FAM184A: variants seen among roughly 807,000 people sequenced by gnomAD.
FAM184A encodes protein FAM184A.
In FAM184A, 99 loss-of-function variants were observed where a neutral mutation model predicts 143.8. That is an observed-to-expected ratio of 0.69 (90% CI 0.58 to 0.81). FAM184A has a LOEUF of 0.81. Among genes scored for constraint, FAM184A ranks in the 40% least tolerant of loss-of-function variants. FAM184A has a pLI of 0.00. For synonymous variants in FAM184A, 427 were observed against 446.4 expected (o/e 0.96, Z 0.55); for missense variants, 1,217 against 1,310.5 (o/e 0.93, Z 1.10).
intron 7 of FAM184A, among the ~76,000 whole-genome samples, chr6:119,004,370 T>G (rs1046368648): frequency 6.6e-6 from 1 of 152,160 alleles, no homozygotes; most frequent in Non-Finnish European, 1.5e-5. Flanking sequence ...GGTGTGGCAG[T>G]TTTTGAAGGG....
intron 9 of FAM184A, among the ~76,000 whole-genome samples, chr6:118,995,228 G>A (rs1485746459): frequency 1.3e-5 from 2 of 152,072 alleles, no homozygotes; most frequent in African/African-American, 2.4e-5. Context: ...ACCAGCCTGG[G>A]TAACATGGTG....
chr6:119,047,096 G>T (rs927149763), intron 1 of FAM184A, among the ~76,000 whole-genome samples: 1 of 151,952 alleles, frequency 6.6e-6, no homozygotes, highest in Non-Finnish European at 1.5e-5. Flanking sequence ...CTCAACAGAA[G>T]ACATACAAAT....
chr6:119,050,329 A>G (rs1008396214), intron 1 of FAM184A, among the ~76,000 whole-genome samples: 1 of 152,202 alleles, frequency 6.6e-6, no homozygotes, highest in Non-Finnish European at 1.5e-5. Context: ...ATTACTGGGT[A>G]TATACCCAGA....
intron 1 of FAM184A, among the ~76,000 whole-genome samples, chr6:119,107,070 C>G (rs910091520): frequency 6.6e-6 from 1 of 151,970 alleles, no homozygotes; most frequent in African/African-American, 2.4e-5. Flanking sequence ...ATCTATTATC[C>G]TGAAATTGTA....
At chr6:119,061,543 T>TTC (rs1787248266) in intron 1 of FAM184A, among the ~76,000 whole-genome samples, 1 of 132,940 alleles carries the variant, frequency 7.5e-6, no homozygotes, top group Non-Finnish European at 1.6e-5. Context: ...TTTTTTTTTT[T>TTC]TTTTTTTTTT....
At chr6:119,130,577 A>G (rs1367555791) in intron 1 of FAM184A, among the ~76,000 whole-genome samples, 1 of 152,242 alleles carries the variant, frequency 6.6e-6, no homozygotes, top group African/African-American at 2.4e-5. Context: ...TGTATGTTAG[A>G]TAGCCCAAGT....
chr6:119,009,146 G>A (rs1463325060), intron 6 of FAM184A, among the ~76,000 whole-genome samples: 1 of 152,184 alleles, frequency 6.6e-6, no homozygotes, highest in African/African-American at 2.4e-5. Context: ...GAGGATTAAA[G>A]GAGAGAACAG....
chr6:119,101,397 T>G (rs1788634832), intron 1 of FAM184A, among the ~76,000 whole-genome samples: 1 of 152,136 alleles, frequency 6.6e-6, no homozygotes, highest in Admixed American at 6.5e-5. Flanking sequence ...ATCAATTATC[T>G]CATTTAATCT....
intron 1 of FAM184A, among the ~76,000 whole-genome samples, chr6:119,034,041 TAGAGAGAGAG>T (rs57162948): frequency 0.051 from 2,129 of 41,844 alleles, 81 homozygotes; most frequent in South Asian, 0.11. Context: ...TATATATATA[TAGAGAGAGAG>T]AGAGAGAGAG....
At chr6:118,961,581 AAAT>A (rs1783326457) in intron 17 of FAM184A, among the ~76,000 whole-genome samples, 177 bp downstream of exon 17, 1 of 152,088 alleles carries the variant, frequency 6.6e-6, no homozygotes, top group South Asian at 2.1e-4. Context: ...AAATTAGAAA[AAAT>A]CTTTTTAACA....
At chr6:118,991,751 C>CTTTTTTTTTT (rs61476918) in intron 9 of FAM184A, among the ~76,000 whole-genome samples, 1 of 42,350 alleles carries the variant, frequency 2.4e-5, no homozygotes, top group Non-Finnish European at 4.0e-5. Flanking sequence ...CCTGAGAGGA[C>CTTTTTTTTTT]TTTTTTTTTT....
intron 15 of FAM184A, among the ~76,000 whole-genome samples, chr6:118,965,371 T>C (rs988706382): frequency 2.0e-5 from 3 of 152,092 alleles, no homozygotes; most frequent in Non-Finnish European, 4.4e-5. Flanking sequence ...GTACTGTAAA[T>C]AGATTCGATT....
intron 1 of FAM184A, among the ~76,000 whole-genome samples, chr6:119,044,171 G>C (rs558385127): frequency 6.6e-6 from 1 of 152,140 alleles, no homozygotes; most frequent in African/African-American, 2.4e-5. Flanking sequence ...GTCCTAGCTA[G>C]AGCAATTATG....
intron 1 of FAM184A, among the ~76,000 whole-genome samples, chr6:119,039,920 A>G (rs1277134080): frequency 3.3e-5 from 5 of 152,234 alleles, no homozygotes; most frequent in Admixed American, 3.3e-4. Flanking sequence ...GGAAAAAGGA[A>G]GAAAGCCTCA....
chr6:119,006,649 T>C (rs1193589055), intron 6 of FAM184A, 41 bp from the exon 7 acceptor site: 13 of 1,433,812 alleles, frequency 9.1e-6, no homozygotes, highest in Admixed American at 8.9e-5. Context: ...TTCATTGTAA[T>C]AGAATAGCAA....
chr6:119,028,384 G>A (rs1050040555), intron 1 of FAM184A, among the ~76,000 whole-genome samples: 1 of 152,134 alleles, frequency 6.6e-6, no homozygotes, highest in African/African-American at 2.4e-5. Context: ...CTCAGGATTG[G>A]GGCTGGCTGC....
chr6:119,002,384 A>G (rs562667625), intron 9 of FAM184A, among the ~76,000 whole-genome samples: 3 of 152,328 alleles, frequency 2.0e-5, no homozygotes, highest in Admixed American at 2.0e-4. Context: ...ATAAGCAAGC[A>G]TAACATAAGA....
At chr6:119,038,752 C>T (rs1372004628) in intron 1 of FAM184A, among the ~76,000 whole-genome samples, 1 of 152,076 alleles carries the variant, frequency 6.6e-6, no homozygotes, top group Non-Finnish European at 1.5e-5. Flanking sequence ...CACTACGGAC[C>T]GGCCCTGAAT....
intron 1 of FAM184A, among the ~76,000 whole-genome samples, chr6:119,147,307 G>A (rs970198070): frequency 5.7e-5 from 8 of 140,158 alleles, no homozygotes; most frequent in Non-Finnish European, 7.7e-5. Context: ...GATACAACCT[G>A]GTATTAACCG....
Sources: gnomAD v4.1 joint callset for allele counts (sites outside exome capture counted in the v4.1 genomes callset) on GRCh38, gnomAD v4.1.1 for gene constraint, MANE v1.5 for transcripts, NCBI Gene and HGNC (gene_info 2026-07-23, HGNC 2026-07-21) for gene names.